The following TBL2 variants were observed in gnomAD, a reference collection of about 807,000 sequenced individuals.
The protein encoded by TBL2 is transducin beta like 2, also known as transducin beta-like protein 2.
A neutral mutation model predicts 41.8 loss-of-function variants in TBL2; 33 were observed. The ratio of observed to expected loss-of-function variants is 0.79; its 90% confidence interval spans 0.60 to 1.06. TBL2 has a LOEUF of 1.06. Among genes scored for constraint, TBL2 ranks in the 50% least tolerant of loss-of-function variants. The probability of loss-of-function intolerance (pLI) is 0.00; values close to 1 mark genes in which losing one functional copy is unlikely to be tolerated. For synonymous variants in TBL2, 239 were observed against 241.7 expected (o/e 0.99, Z 0.10); for missense variants, 522 against 603.8 (o/e 0.86, Z 1.42).
At position 73,573,372 on chromosome 7, in the gene TBL2, G is replaced by A; in HGVS notation, c.546C>T (p.Asp182=). 1 of 1,614,220 alleles carries A rather than the reference G, an allele frequency of 6.2e-7. No homozygotes were observed. The highest frequency in any genetic ancestry group is 8.5e-7 in the Non-Finnish European group (1 of 1,180,030). The change falls in exon 4 of 7, where the codon GAC becomes GAT. Residue 182 remains aspartate, a synonymous_variant. Coordinates refer to ENST00000305632, the MANE Select transcript of TBL2 (RefSeq NM_012453.4). ...CAGGCGCCTTGTGCTTTTTAGGGAAGTCCTCTGGGGTGGCTGTGAAGGTGT... is the reference window on the plus strand; with the variant it reads ...CAGGCGCCTTGTGCTTTTTAGGGAAATCCTCTGGGGTGGCTGTGAAGGTGT... ...GGYTFTATPE[D]FPKKHKAPVI... is the part of the protein sequence containing the mutation.
chr7:73,573,840 G>A, intron 3 of TBL2, 98 bp downstream of exon 3: 1 of 1,454,432 alleles, frequency 6.9e-7, no homozygotes, highest in African/African-American at 1.4e-5. Flanking sequence ...GGAGGCCCTG[G>A]GTCCAGGTCC....
chr7:73,570,520 G>T lies in TBL2; in HGVS notation c.1331C>A (p.Ala444Asp). The T allele has an allele frequency of 6.4e-7, 1 of 1,562,000 alleles. No homozygotes were observed. Among genetic ancestry groups the T allele is most frequent in the South Asian group, 1.2e-5 (1 of 83,332 alleles). Residue 444 changes from alanine to aspartate, a missense_variant, in exon 7 of 7, where the codon GCC becomes GAC. By Grantham distance (126) the Ala-to-Asp change is moderately radical (BLOSUM62 -2). Coordinates refer to ENST00000305632, the MANE Select transcript of TBL2 (RefSeq NM_012453.4). ...GCCCTCCCAGAGTCACTTCTTCAGG[G>T]CACCCAGGCTCTTCAGGGTCTCTTG... Reference protein sequence around the residue: ...QAQETLKSLGALKK With the variant: ...QAQETLKSLGDLKK
chr7:73,571,291 C>T lies in TBL2; in HGVS notation c.776G>A (p.Cys259Tyr), dbSNP rs2115931797. ...FTPDVKVWEVCFGKKGEFQEV... is the reference protein window; with the variant it reads ...FTPDVKVWEVYFGKKGEFQEV... Reference sequence around the variant, plus strand: ...CTGGAACTCCCCCTTCTTTCCAAAGCAGACTTCCCAAACCTTCACATCTGG... The same window carrying T: ...CTGGAACTCCCCCTTCTTTCCAAAGTAGACTTCCCAAACCTTCACATCTGG... The change falls in exon 6 of 7, where the codon TGC becomes TAC. Residue 259 changes from cysteine to tyrosine, a missense_variant. By Grantham distance (194) the Cys-to-Tyr change is radical (BLOSUM62 -2). Coordinates refer to ENST00000305632, the MANE Select transcript of TBL2 (RefSeq NM_012453.4). 1 of 1,614,248 alleles carries T rather than the reference C, an allele frequency of 6.2e-7. No homozygotes were observed. The highest frequency in any genetic ancestry group is 8.5e-7 in the Non-Finnish European group (1 of 1,180,044).
intron 1 of TBL2, among the ~76,000 whole-genome samples, chr7:73,576,966 A>G (rs907645943): frequency 6.6e-6 from 1 of 151,852 alleles, no homozygotes; most frequent in African/African-American, 2.4e-5. Flanking sequence ...CCCATAAAAG[A>G]ACAGGACTCG....
chr7:73,573,337 A>G lies in TBL2; in HGVS notation c.581T>C (p.Ile194Thr). Residue 194 changes from isoleucine to threonine, a missense_variant, in exon 4 of 7, where the codon ATT becomes ACT. Ile to Thr is a moderately conservative substitution (Grantham distance 89, BLOSUM62 -1). Transcript: ENST00000305632. Reference protein sequence around the residue: ...PKKHKAPVIDIGIANTGKFIM... With the variant: ...PKKHKAPVIDTGIANTGKFIM... ...CCTCTTACCTGTGTTAGCAATGCCA[A>G]TGTCGATGACAGGCGCCTTGTGCTT... 1.2e-6 allele frequency: 2 copies of G among 1,614,146 alleles called. No individual in the cohort carries two copies. Among genetic ancestry groups the G allele is most frequent in the Non-Finnish European group, 1.7e-6 (2 of 1,180,004 alleles).
At chr7:73,573,255 G>A in intron 4 of TBL2, 65 bp downstream of exon 4, 7 of 1,588,530 alleles carry the variant, frequency 4.4e-6, no homozygotes, top group Non-Finnish European at 6.0e-6. Flanking sequence ...TTAACTCATT[G>A]AGGAAATAGA....
rs782228480 is a variant in TBL2 at position 73,574,011 on chromosome 7, G to A, written c.373C>T (p.Arg125Ter). ...RIWSTKDFLQREHRSMRANVE... is the reference protein window; with the variant it reads ...RIWSTKDFLQ ...TTGGCTCTCATGCTGCGGTGCTCTC[G>A]CTGCAGGAAGTCCTTGGTGCTCCAG... The change falls in exon 3 of 7, where the codon CGA becomes TGA. Residue 125 changes from arginine to a stop codon, truncating the protein, a stop_gained. Transcript: ENST00000305632. LOFTEE classifies it high-confidence loss of function. 3.0e-5 allele frequency: 48 copies of A among 1,614,072 alleles called. No homozygotes were observed. Among genetic ancestry groups the A allele is most frequent in the Non-Finnish European group, 3.9e-5 (46 of 1,180,042 alleles).
intron 1 of TBL2, 83 bp downstream of exon 1, chr7:73,578,337 G>A: frequency 6.5e-7 from 1 of 1,536,654 alleles, no homozygotes; most frequent in South Asian, 1.2e-5. Context: ...CACCAGCCGC[G>A]GGCCCAAACC....
In TBL2 at chr7:73,569,572, C is replaced by T. The variant is rs980756719; in HGVS notation, c.*935G>A. The T allele has an allele frequency of 2.0e-5, 3 of 152,214 alleles. No individual in the cohort carries two copies. Among genetic ancestry groups the T allele is most frequent in the African/African-American group, 7.2e-5 (3 of 41,458 alleles). 9.4% of individuals were successfully genotyped at this position (152,214 alleles called of 1,614,324 possible). ...TCCTCTCTTGCCTTGACATATATAACAATAGCTATGAATAAACTAACACAA... is the reference window on the plus strand; with the variant it reads ...TCCTCTCTTGCCTTGACATATATAATAATAGCTATGAATAAACTAACACAA... On this transcript the variant is annotated 3_prime_UTR_variant, in exon 7 of 7. Transcript: ENST00000305632.
Position 73,570,617 on chromosome 7 carries a change from T to C in TBL2, c.1234A>G (p.Met412Val). 6.2e-7 allele frequency: 1 copy of C among 1,613,586 alleles called. No individual in the cohort carries two copies. The highest frequency in any genetic ancestry group is 8.5e-7 in the Non-Finnish European group (1 of 1,179,868). Reference sequence around the variant, plus strand: ...GAGGCCCGCTTCAGGTGGCCCTGCATCTCCTCCACCATGGCTCGGTGGCCA... The same window carrying C: ...GAGGCCCGCTTCAGGTGGCCCTGCACCTCCTCCACCATGGCTCGGTGGCCA... Reference protein sequence around the residue: ...TPGHRAMVEEMQGHLKRASNE... With the variant: ...TPGHRAMVEEVQGHLKRASNE... Residue 412 changes from methionine to valine, a missense_variant, in exon 7 of 7, where the codon ATG becomes GTG. Coordinates refer to ENST00000305632, the MANE Select transcript of TBL2 (RefSeq NM_012453.4).
chr7:73,571,435 C>A, intron 5 of TBL2, 94 bp from the exon 6 acceptor site: 1 of 1,536,974 alleles, frequency 6.5e-7, no homozygotes, highest in Non-Finnish European at 8.9e-7. Context: ...AGTTGATAAT[C>A]CTCATATCTG....
Position 73,570,680 on chromosome 7 carries a change from A to C in TBL2, c.1171T>G (p.Cys391Gly), listed in dbSNP as rs781849463. The C allele has an allele frequency of 6.2e-7, 1 of 1,614,046 alleles. No homozygotes were observed. The highest frequency in any genetic ancestry group is 1.1e-5 in the South Asian group (1 of 91,072). Residue 391 changes from cysteine to glycine, a missense_variant, in exon 7 of 7, where the codon TGT (cysteine) becomes GGT (glycine). Cys to Gly is a radical substitution (Grantham distance 159). Coordinates refer to ENST00000305632, the MANE Select transcript of TBL2 (RefSeq NM_012453.4). ...AACAGCCGCACCGCCCGGTCCCCAC[A>C]GGAGGCCAGAAAGCGGCCAGTGATG... ...FDITGRFLASCGDRAVRLFHN... is the reference protein window; with the variant it reads ...FDITGRFLASGGDRAVRLFHN...
In TBL2 at chr7:73,568,458, G is replaced by A. The variant is rs1792733349; in HGVS notation, c.*2049C>T. On this transcript the variant is annotated 3_prime_UTR_variant, in exon 7 of 7. Transcript: ENST00000305632. ...AGTAGCAGCCACCCCCCATCCTGCA[G>A]GCAGGACACAAGCCCGCCCTCCAGC... is the stretch of plus-strand genomic sequence containing the variant. Among the ~76,000 whole-genome samples the A allele has an allele frequency of 6.6e-6, 1 of 152,156 alleles. No individual in the cohort carries two copies. Among genetic ancestry groups the A allele is most frequent in the African/African-American group, 2.4e-5 (1 of 41,450 alleles).
intron 1 of TBL2, among the ~76,000 whole-genome samples, chr7:73,575,861 T>C (rs1477637584): frequency 3.3e-5 from 5 of 151,506 alleles, no homozygotes; most frequent in Admixed American, 1.3e-4. Context: ...CTGGGTAACA[T>C]AGTGACACCC....
chr7:73,578,481 C>A lies in TBL2; in HGVS notation c.69G>T (p.Ala23=). ...GCCACCCCCGCGCTACCGCCGCCGT[C>A]GCCATCAGGGCCAGCAGCCCAAGCA... ...SVLLGLLALM[A]TAAVARGWLR... Residue 23 remains alanine (A), a synonymous_variant, in exon 1 of 7, where the codon GCG becomes GCT. Coordinates refer to ENST00000305632, the MANE Select transcript of TBL2 (RefSeq NM_012453.4). 3 of 1,580,518 alleles carry A rather than the reference C, an allele frequency of 1.9e-6. No homozygotes were observed. The highest frequency in any genetic ancestry group is 2.6e-6 in the Non-Finnish European group (3 of 1,166,556).
intron 1 of TBL2, 126 bp from the exon 2 acceptor site, chr7:73,574,639 G>A: frequency 7.3e-7 from 1 of 1,374,528 alleles, no homozygotes; most frequent in South Asian, 1.3e-5. Flanking sequence ...TCTTCTGGAG[G>A]AGAATGAGTG....
chr7:73,578,262 C>G, intron 1 of TBL2, 158 bp downstream of exon 1: 1 of 1,533,476 alleles, frequency 6.5e-7, no homozygotes, highest in Non-Finnish European at 8.7e-7. Context: ...AGGCGGGTCC[C>G]CGTCTCTGGA....
intron 1 of TBL2, 200 bp from the exon 2 acceptor site, chr7:73,574,713 T>A: frequency 1.5e-6 from 1 of 679,068 alleles, no homozygotes; most frequent in Non-Finnish European, 2.5e-6. Context: ...GTAATCCCAA[T>A]GCTTTGGATC....
intron 1 of TBL2, chr7:73,576,465 C>G (rs1255526970): frequency 2.8e-6 from 1 of 361,682 alleles, no homozygotes; most frequent in Admixed American, 3.3e-5. Context: ...ACTCAGGAGG[C>G]TGAGGCAGGA....
Sources: allele counts gnomAD v4.1 joint callset (sites outside exome capture counted in the v4.1 genomes callset), GRCh38; gene constraint gnomAD v4.1.1; transcripts MANE v1.5; gene names NCBI Gene and HGNC (gene_info 2026-07-23, HGNC 2026-07-21).